Variants in MALRD1 observed in about 807,000 individuals in gnomAD.
The protein encoded by MALRD1 is MAM and LDL receptor class A domain containing 1.
Under a neutral mutation model 242.1 loss-of-function variants are expected in MALRD1, and 247 were observed. The observed-to-expected ratio is 1.02, with a 90% confidence interval of 0.92 to 1.13. The LOEUF is 1.13. MALRD1 is among the 50% of genes most tolerant of loss of function. MALRD1 has a pLI of 0.00. For missense variants in MALRD1, 2,989 were observed against 2,533.1 expected (o/e 1.18, Z -3.86); for synonymous variants, 995 against 866.6 (o/e 1.15, Z -2.60).
chr10:19,347,709 T>C (rs1844193600), intron 24 of MALRD1, 62 bp from the exon 25 acceptor site: 1 of 1,519,386 alleles, frequency 6.6e-7, no homozygotes, highest in Admixed American at 2.0e-5. Context: ...AGTTTTGAAT[T>C]GCATGTTTTA....
intron 21 of MALRD1, among the ~76,000 whole-genome samples, chr10:19,311,682 A>G (rs1423306385): frequency 2.6e-5 from 4 of 151,510 alleles, no homozygotes; most frequent in African/African-American, 9.7e-5. Flanking sequence ...GTAGAAATGA[A>G]ATGCAATGAT....
rs1846147451 is a variant in MALRD1 at position 19,387,717 on chromosome 10, T to C, written c.4631T>C (p.Val1544Ala). ...QADNFDWVLG[V>A]GSHQSLRPPK... Reference sequence around the variant, plus strand: ...GACAACTTTGATTGGGTTTTAGGGGTTGGCTCTCATCAAAGCTTAAGACCT... The same window carrying C: ...GACAACTTTGATTGGGTTTTAGGGGCTGGCTCTCATCAAAGCTTAAGACCT... Residue 1544 changes from valine to alanine, a missense_variant, in exon 27 of 40, where the codon GTT becomes GCT. Val to Ala is a moderately conservative substitution (Grantham distance 64, BLOSUM62 0). Coordinates refer to ENST00000454679, the MANE Select transcript of MALRD1 (RefSeq NM_001142308.3). 1 of 1,550,316 alleles carries C rather than the reference T, an allele frequency of 6.5e-7. No homozygotes were observed. Among genetic ancestry groups the C allele is most frequent in the Non-Finnish European group, 8.7e-7 (1 of 1,146,868 alleles).
chr10:19,348,905 G>A (rs917862149), intron 25 of MALRD1, among the ~76,000 whole-genome samples: 1 of 152,136 alleles, frequency 6.6e-6, no homozygotes, highest in Admixed American at 6.5e-5. Context: ...TCTGACTAGA[G>A]TGTTCCCCAA....
At chr10:19,654,992 A>G (rs1841075623) in intron 36 of MALRD1, among the ~76,000 whole-genome samples, 1 of 152,182 alleles carries the variant, frequency 6.6e-6, no homozygotes, top group African/African-American at 2.4e-5. Context: ...GTTTAAATAA[A>G]TCAGAATTAT....
chr10:19,289,021 G>GT (rs1841279470), intron 21 of MALRD1, among the ~76,000 whole-genome samples: 1 of 151,760 alleles, frequency 6.6e-6, no homozygotes, highest in Non-Finnish European at 1.5e-5. Context: ...GATGGCTCCA[G>GT]TTTTTTATTT....
chr10:19,483,120 C>T (rs1589141625), intron 29 of MALRD1, among the ~76,000 whole-genome samples: 3 of 150,092 alleles, frequency 2.0e-5, no homozygotes, highest in African/African-American at 7.3e-5. Flanking sequence ...GAACAGAACC[C>T]AAAAATAAGG....
At chr10:19,726,569 C>T (rs573129019) in intron 38 of MALRD1, among the ~76,000 whole-genome samples, 3 of 152,174 alleles carry the variant, frequency 2.0e-5, no homozygotes, top group South Asian at 4.2e-4. Context: ...AAAGAGTTAC[C>T]GTGTGTTCTA....
chr10:19,127,044 A>G (rs541499753), intron 7 of MALRD1, among the ~76,000 whole-genome samples: 2 of 152,214 alleles, frequency 1.3e-5, no homozygotes, highest in East Asian at 1.9e-4. Context: ...TGCTCAGGAT[A>G]ATGGCTTCCA....
At chr10:19,269,471 C>T (rs950210747) in intron 19 of MALRD1, among the ~76,000 whole-genome samples, 2 of 152,232 alleles carry the variant, frequency 1.3e-5, no homozygotes, top group African/African-American at 4.8e-5. Flanking sequence ...GAGTTGACCT[C>T]ATGTCCCTTA....
At chr10:19,731,374 T>C (rs1248953386) in intron 39 of MALRD1, among the ~76,000 whole-genome samples, 1 of 152,160 alleles carries the variant, frequency 6.6e-6, no homozygotes, top group Non-Finnish European at 1.5e-5. Context: ...TTTTTAGGTA[T>C]AGTTGACAAA....
intron 28 of MALRD1, among the ~76,000 whole-genome samples, chr10:19,391,139 A>C (rs1846319436): frequency 6.6e-6 from 1 of 152,198 alleles, no homozygotes; most frequent in Non-Finnish European, 1.5e-5. Flanking sequence ...TAGTCTTCCT[A>C]CCAATGGCAT....
At chr10:19,429,351 C>T (rs531886635) in intron 28 of MALRD1, among the ~76,000 whole-genome samples, 1 of 152,142 alleles carries the variant, frequency 6.6e-6, no homozygotes, top group African/African-American at 2.4e-5. Flanking sequence ...AGGTGGATTG[C>T]CTGAGGTCAG....
At chr10:19,424,808 C>G (rs931915415) in intron 28 of MALRD1, among the ~76,000 whole-genome samples, 1 of 151,974 alleles carries the variant, frequency 6.6e-6, no homozygotes, top group Admixed American at 6.6e-5. Flanking sequence ...AGAATCCTGA[C>G]CTGAATTTGC....
intron 33 of MALRD1, among the ~76,000 whole-genome samples, chr10:19,592,373 T>A (rs547203902): frequency 3.9e-4 from 60 of 152,324 alleles, no homozygotes; most frequent in African/African-American, 1.4e-3. Context: ...CATTGAGGCA[T>A]AGGGCCTGGG....
chr10:19,330,324 A>G (rs552410197), intron 23 of MALRD1, among the ~76,000 whole-genome samples: 2 of 152,054 alleles, frequency 1.3e-5, no homozygotes, highest in Admixed American at 6.6e-5. Flanking sequence ...ACACAATAGT[A>G]TAAAGACTTA....
intron 28 of MALRD1, among the ~76,000 whole-genome samples, chr10:19,441,604 C>T (rs941832125): frequency 6.7e-6 from 1 of 148,948 alleles, no homozygotes; most frequent in African/African-American, 2.4e-5. Context: ...GGGAATCCTT[C>T]TAGTTTTTGT....
At chr10:19,098,321 A>G (rs138937140) in intron 4 of MALRD1, among the ~76,000 whole-genome samples, 164 of 152,278 alleles carry the variant, frequency 1.1e-3, no homozygotes, top group African/African-American at 3.3e-3. Flanking sequence ...ACATGCTATT[A>G]TTTACTTTTC....
chr10:19,114,312 T>C (rs1349147441), intron 5 of MALRD1, among the ~76,000 whole-genome samples: 1 of 152,064 alleles, frequency 6.6e-6, no homozygotes, highest in Non-Finnish European at 1.5e-5. Flanking sequence ...TAGAAATGAG[T>C]GGACTTAAAG....
At chr10:19,413,042 A>C (rs1435397319) in intron 28 of MALRD1, among the ~76,000 whole-genome samples, 1 of 150,208 alleles carries the variant, frequency 6.7e-6, no homozygotes, top group South Asian at 2.1e-4. Context: ...GAAATCTTAG[A>C]AAAAAAATAA....
Sources: gnomAD v4.1 joint callset for allele counts (sites outside exome capture counted in the v4.1 genomes callset) on GRCh38, gnomAD v4.1.1 for gene constraint, MANE v1.5 for transcripts, NCBI Gene and HGNC (gene_info 2026-07-23, HGNC 2026-07-21) for gene names.